C12orf56: variants seen among roughly 807,000 people sequenced by gnomAD.
The protein encoded by C12orf56 is chromosome 12 open reading frame 56, also known as uncharacterized protein C12orf56.
Under a neutral mutation model 69.9 loss-of-function variants are expected in C12orf56, and 71 were observed. The observed-to-expected ratio is 1.02, with a 90% CI of 0.84 to 1.24. The LOEUF (loss-of-function observed/expected upper bound fraction) is 1.24. C12orf56 is among the 50% of genes most tolerant of loss of function. The pLI, the probability that C12orf56 is intolerant of heterozygous loss-of-function variation, is 0.00. For missense variants in C12orf56, 732 were observed against 738.5 expected, an observed-to-expected ratio of 0.99 and a Z score of 0.10; for synonymous variants, 276 against 274.1, an observed-to-expected ratio of 1.01 and a Z score of -0.07.
intron 5 of C12orf56, among the ~76,000 whole-genome samples, chr12:64,305,821 A>T (rs1330148895): frequency 6.6e-6 from 1 of 152,206 alleles, no homozygotes; most frequent in African/African-American, 2.4e-5. Context: ...TATTTCATTT[A>T]AAAAGTAACT....
intron 8 of C12orf56, among the ~76,000 whole-genome samples, chr12:64,280,717 G>T (rs949962314): frequency 2.6e-5 from 4 of 152,136 alleles, no homozygotes; most frequent in African/African-American, 7.2e-5. Context: ...ATACTCTCCT[G>T]CAAAGAAACA....
chr12:64,269,667 C>CA (rs2037956697), intron 12 of C12orf56, among the ~76,000 whole-genome samples: 2 of 151,956 alleles, frequency 1.3e-5, no homozygotes, highest in Admixed American at 1.3e-4. Context: ...CAGCTCACTG[C>CA]AACCTCTGCC....
intron 3 of C12orf56, among the ~76,000 whole-genome samples, chr12:64,326,106 C>T (rs974040796): frequency 6.6e-6 from 1 of 152,104 alleles, no homozygotes; most frequent in Admixed American, 6.6e-5. Context: ...AGACACTAGA[C>T]ACCAGGCAAT....
rs188598763 is a variant in C12orf56 at position 64,378,789 on chromosome 12, G to T, written c.252+11525C>A. Among the ~76,000 whole-genome samples, 1,100 of 152,068 alleles carry T rather than the reference G, an allele frequency of 7.2e-3. 19 individuals are homozygous for T. The highest frequency in any genetic ancestry group is 0.024 in the African/African-American group (1,008 of 41,526). Reference sequence around the variant, plus strand: ...AACCTGGCTGGGCATGGTGGCTCACGCCTGTAATCCCAGCACTTTGGGAGG... The same window carrying T: ...AACCTGGCTGGGCATGGTGGCTCACTCCTGTAATCCCAGCACTTTGGGAGG... On this transcript the variant is annotated intron_variant, in intron 1 of 12. Coordinates refer to ENST00000543942, the MANE Select transcript of C12orf56 (RefSeq NM_001170633.2).
chr12:64,376,289 C>T (rs766576781), intron 1 of C12orf56, among the ~76,000 whole-genome samples: 1 of 152,150 alleles, frequency 6.6e-6, no homozygotes, highest in Non-Finnish European at 1.5e-5. Flanking sequence ...CTTCCACAAC[C>T]AGCAGGATGC....
rs2038731357 is a variant in C12orf56, at chr12:64,318,948, T to A, written c.521A>T (p.Asp174Val). The A allele has an allele frequency of 6.5e-7, 1 of 1,530,396 alleles. No individual in the cohort carries two copies. The highest frequency in any genetic ancestry group is 8.7e-7 in the Non-Finnish European group (1 of 1,143,686). The allele number at this position is 1,530,396 out of a possible 1,614,324, so 94.8% of individuals were successfully genotyped here. Residue 174 changes from aspartate to valine, a missense_variant, in exon 4 of 13, where the codon GAC becomes GTC. By Grantham distance (152) the Asp-to-Val change is radical. Transcript: ENST00000543942. ...GCCTGGACGAGGACAGAGAGTTGAG[T>A]CCTTGGATGGTGTACTGCTCTCCTG... ...DQQESSTPSK[D>V]STLCPRPGLK... is the part of the protein sequence containing the mutation.
intron 3 of C12orf56, among the ~76,000 whole-genome samples, chr12:64,324,593 G>A (rs555903160): frequency 6.6e-6 from 1 of 152,336 alleles, no homozygotes; most frequent in South Asian, 2.1e-4. Flanking sequence ...AGAAGTAAGA[G>A]GTGAAGCTGG....
chr12:64,283,291 C>T (rs952906049), intron 8 of C12orf56, among the ~76,000 whole-genome samples: 8 of 152,198 alleles, frequency 5.3e-5, no homozygotes, highest in African/African-American at 1.9e-4. Flanking sequence ...GTGCAGTGAG[C>T]TGAAATCGTG....
chr12:64,352,447 A>T (rs1312602400), intron 2 of C12orf56: 3 of 152,618 alleles, frequency 2.0e-5, no homozygotes. Flanking sequence ...TTCTAATGGC[A>T]GCTAGATGTA....
chr12:64,318,499 A>C (rs1269897068), intron 4 of C12orf56, 76 bp downstream of exon 4: 1 of 1,267,058 alleles, frequency 7.9e-7, no homozygotes, highest in African/African-American at 1.5e-5. Context: ...GAGGTAAAGG[A>C]GGGAGGAGGG....
intron 5 of C12orf56, among the ~76,000 whole-genome samples, chr12:64,309,767 T>C (rs553631994): frequency 2.6e-5 from 4 of 152,296 alleles, no homozygotes; most frequent in Admixed American, 6.5e-5. Flanking sequence ...CTCCTCGGCC[T>C]CCCAAAGTGC....
At chr12:64,323,046 G>A (rs573086985) in intron 3 of C12orf56, among the ~76,000 whole-genome samples, 1 of 152,290 alleles carries the variant, frequency 6.6e-6, no homozygotes, top group South Asian at 2.1e-4. Context: ...TTCAATACAA[G>A]TAAGTGTGTG....
chr12:64,364,641 T>G (rs2039441316), intron 1 of C12orf56, among the ~76,000 whole-genome samples: 1 of 152,126 alleles, frequency 6.6e-6, no homozygotes, highest in African/African-American at 2.4e-5. Context: ...ACACTGTCAG[T>G]TTGTACCTAG....
chr12:64,313,274 A>AAAAAAGAAAGAAAG (rs762664621), intron 4 of C12orf56, among the ~76,000 whole-genome samples: 10 of 81,406 alleles, frequency 1.2e-4, no homozygotes, highest in African/African-American at 3.8e-4. Flanking sequence ...AAAAAAAAAA[A>AAAAAAGAAAGAAAG]AAAGAAAGAA....
intron 12 of C12orf56, among the ~76,000 whole-genome samples, chr12:64,269,883 C>G (rs534854198): frequency 6.6e-6 from 1 of 152,120 alleles, no homozygotes; most frequent in South Asian, 2.1e-4. Flanking sequence ...GCCACCATGC[C>G]CAGCCAAGTT....
chr12:64,296,912 A>G (rs541079716), intron 6 of C12orf56, among the ~76,000 whole-genome samples: 1 of 142,898 alleles, frequency 7.0e-6, no homozygotes, highest in South Asian at 2.2e-4. Context: ...CTGCCTTCTC[A>G]TGGGATGACA....
In C12orf56 at chr12:64,343,138, T is replaced by G. The variant is rs200108849; in HGVS notation, c.415+9756A>C. On this transcript the variant is annotated intron_variant, in intron 2 of 12. Transcript: ENST00000543942. ...TTTCTTGGTTGTAGAGAGGGCCAAA[T>G]GAAGCAACTTATCCTTCACCTTAGA... 7.2e-5 allele frequency among the ~76,000 whole-genome samples: 11 copies of G among 152,262 alleles called. No homozygotes were observed. In the East Asian group the frequency reaches 1.9e-3, roughly 27 times the overall value.
At chr12:64,267,910 A>G (rs1053535715) in intron 12 of C12orf56, among the ~76,000 whole-genome samples, 2 of 152,120 alleles carry the variant, frequency 1.3e-5, no homozygotes, top group South Asian at 4.1e-4. Context: ...TCTTATCCAA[A>G]ATGATTGCAA....
At chr12:64,384,786 G>A (rs1396191883) in intron 1 of C12orf56, among the ~76,000 whole-genome samples, 2 of 152,168 alleles carry the variant, frequency 1.3e-5, no homozygotes, top group Admixed American at 6.6e-5. Context: ...GGGCACGGTG[G>A]CTCATGCCTG....
Sources: gnomAD v4.1 joint callset for allele counts (sites outside exome capture counted in the v4.1 genomes callset) on GRCh38, gnomAD v4.1.1 for gene constraint, MANE v1.5 for transcripts, NCBI Gene and HGNC (gene_info 2026-07-23, HGNC 2026-07-21) for gene names.